Variants in TNC observed in about 807,000 individuals in gnomAD.
The protein encoded by TNC is tenascin.
A neutral mutation model predicts 202.4 loss-of-function variants in TNC; 109 were observed. That is an observed-to-expected ratio of 0.54 (90% CI 0.46 to 0.63). TNC has a LOEUF of 0.63. TNC is among the 30% of genes least tolerant of loss of function. The probability of loss-of-function intolerance (pLI) is 0.00; values close to 1 mark genes in which losing one functional copy is unlikely to be tolerated. For missense variants in TNC, 2,756 were observed against 2,833.3 expected, an observed-to-expected ratio of 0.97 and a Z score of 0.62; for synonymous variants, 1,007 against 1,089.7, an observed-to-expected ratio of 0.92 and a Z score of 1.50.
Position 115,046,458 on chromosome 9 carries a change from T to C in TNC, c.5077A>G (p.Ile1693Val). The part of the protein sequence containing the change: ...ATEYEIELYG[I>V]SKGRRSQTVS... ...GTCTGGGATCGCCTTCCTTTGCTTA[T>C]TCCATAGAGTTCAATTTCGTATTCA... Residue 1693 changes from isoleucine to valine, a missense_variant, in exon 17 of 28, where the codon ATA becomes GTA. Ile to Val is a conservative substitution (Grantham distance 29). Transcript: ENST00000350763. 6.2e-7 allele frequency: 1 copy of C among 1,614,200 alleles called. No individual in the cohort carries two copies. The highest frequency in any genetic ancestry group is 1.1e-5 in the South Asian group (1 of 91,080).
intron 1 of TNC, among the ~76,000 whole-genome samples, chr9:115,105,244 G>A (rs1460397274): frequency 1.3e-5 from 2 of 152,192 alleles, no homozygotes; most frequent in African/African-American, 4.8e-5. Context: ...TAATTTGTGT[G>A]ACCTCAGGCA....
At chr9:115,103,214 C>A (rs909296276) in intron 1 of TNC, among the ~76,000 whole-genome samples, 4 of 152,174 alleles carry the variant, frequency 2.6e-5, no homozygotes, top group Non-Finnish European at 5.9e-5. Flanking sequence ...TACTTTGAGA[C>A]AAGATTTCTC....
intron 9 of TNC, 27 bp downstream of exon 9, chr9:115,076,005 G>A (rs1345376994): frequency 6.2e-7 from 1 of 1,601,002 alleles, no homozygotes; most frequent in Admixed American, 1.7e-5. Flanking sequence ...CCAGCTCAGT[G>A]GGATGGGAAT....
intron 1 of TNC, among the ~76,000 whole-genome samples, chr9:115,100,016 T>C (rs1836109893): frequency 1.3e-5 from 2 of 152,232 alleles, no homozygotes; most frequent in Non-Finnish European, 2.9e-5. Flanking sequence ...ATTAGCCTGG[T>C]GTGGGGCTCT....
At chr9:115,037,566 C>A (rs749730338) in intron 20 of TNC, among the ~76,000 whole-genome samples, 2 of 152,158 alleles carry the variant, frequency 1.3e-5, no homozygotes, top group African/African-American at 2.4e-5. Flanking sequence ...CTCCCTCTCT[C>A]ACCCAGGCTG....
intron 1 of TNC, among the ~76,000 whole-genome samples, chr9:115,107,465 CT>C (rs1836705188): frequency 6.6e-6 from 1 of 152,190 alleles, no homozygotes; most frequent in African/African-American, 2.4e-5. Context: ...AATAAGGAAA[CT>C]AACATTTTGT....
chr9:115,073,542 G>A (rs1397357631), intron 10 of TNC, 61 bp downstream of exon 10: 15 of 1,566,568 alleles, frequency 9.6e-6, no homozygotes, highest in Non-Finnish European at 1.2e-5. Context: ...CACCCTGGCT[G>A]AGGAGATCTG....
chr9:115,046,488 C>A lies in TNC; in HGVS notation c.5047G>T (p.Ala1683Ser). 6.2e-7 allele frequency: 1 copy of A among 1,614,170 alleles called. No homozygotes were observed. Among genetic ancestry groups the A allele is most frequent in the Non-Finnish European group, 8.5e-7 (1 of 1,180,006 alleles). The change falls in exon 17 of 28, where the codon GCT becomes TCT. Residue 1683 changes from alanine (A) to serine (S), a missense_variant. Physicochemically the swap from Ala to Ser is moderately conservative, Grantham distance 99. This residue lies in a region of TNC where 2,559 missense variants were observed against 2,546.0 expected (regional missense o/e 1.01). Coordinates refer to ENST00000350763, the MANE Select transcript of TNC (RefSeq NM_002160.4). The stretch of plus-strand genomic sequence containing the variant: ...TAGAGTTCAATTTCGTATTCAGTAG[C>A]CTCTCTGAGACCTGTTATGTCCCTG... ...RTRDITGLRE[A>S]TEYEIELYGI...
intron 17 of TNC, among the ~76,000 whole-genome samples, chr9:115,043,740 CAA>C (rs757413594): frequency 6.6e-6 from 1 of 151,856 alleles, no homozygotes; most frequent in Non-Finnish European, 1.5e-5. Flanking sequence ...TGGGAAAAAA[CAA>C]ACAAACAAAC....
At chr9:115,087,757 A>C (rs1289922511) in intron 2 of TNC, among the ~76,000 whole-genome samples, 2 of 140,040 alleles carry the variant, frequency 1.4e-5, no homozygotes, top group Non-Finnish European at 3.0e-5. Context: ...GCTGGAGTGC[A>C]GCGGCGCCAT....
Position 115,021,092 on chromosome 9 carries a change from T to A in TNC, c.*65A>T. The A allele has an allele frequency of 7.3e-7, 1 of 1,360,574 alleles. No homozygotes were observed. Among genetic ancestry groups the A allele is most frequent in the Non-Finnish European group, 1.0e-6 (1 of 957,568 alleles). 84.3% of individuals were successfully genotyped at this position (1,360,574 alleles called of 1,614,324 possible). A position where few individuals can be genotyped will look rare whatever the true frequency, so the allele number is the denominator to read the frequency against. ...CCGATGGTTGGGCTGGTTGTATTGA[T>A]GCTTTGGTAAAATCCTTTCCTCGCT... On this transcript the variant is annotated 3_prime_UTR_variant, in exon 28 of 28. Coordinates refer to ENST00000350763, the MANE Select transcript of TNC (RefSeq NM_002160.4).
At chr9:115,087,939 G>A (rs924764736) in intron 2 of TNC, among the ~76,000 whole-genome samples, 3 of 152,004 alleles carry the variant, frequency 2.0e-5, no homozygotes, top group Non-Finnish European at 2.9e-5. Flanking sequence ...TCCTGACCTC[G>A]TGATCTGCCT....
chr9:115,039,544 T>C (rs1353128383), intron 19 of TNC, among the ~76,000 whole-genome samples: 1 of 152,232 alleles, frequency 6.6e-6, no homozygotes, highest in Non-Finnish European at 1.5e-5. Context: ...GAAGCCAGCA[T>C]GAATCTGACC....
rs780800777 is a variant in TNC at position 115,087,006 on chromosome 9, T to C, written c.725A>G (p.Tyr242Cys). The change falls in exon 3 of 28, where the codon TAC (tyrosine) becomes TGC (cysteine). Residue 242 changes from tyrosine (Y) to cysteine (C), a missense_variant. Physicochemically the swap from Tyr to Cys is radical, Grantham distance 194. Coordinates refer to ENST00000350763, the MANE Select transcript of TNC (RefSeq NM_002160.4). ...VNGVCICFEG[Y>C]AGADCSREIC... ...TTCACGGCTGCAGTCAGCCCCGGCGTAGCCTTCGAAACAGATGCAGACTCC... is the reference window on the plus strand; with the variant it reads ...TTCACGGCTGCAGTCAGCCCCGGCGCAGCCTTCGAAACAGATGCAGACTCC... 1 of 1,613,428 alleles carries C rather than the reference T, an allele frequency of 6.2e-7. No homozygotes were observed. Among genetic ancestry groups the C allele is most frequent in the South Asian group, 1.1e-5 (1 of 91,048 alleles).
At chr9:115,046,380 T>C in intron 17 of TNC, 30 bp downstream of exon 17, 1 of 1,609,008 alleles carries the variant, frequency 6.2e-7, no homozygotes, top group Non-Finnish European at 8.5e-7. Context: ...TCATGACTTT[T>C]CTCTGTTCTC....
At chr9:115,034,526 A>G (rs551435492) in intron 22 of TNC, among the ~76,000 whole-genome samples, 13 of 152,374 alleles carry the variant, frequency 8.5e-5, no homozygotes, top group African/African-American at 3.1e-4. Flanking sequence ...AGAATAAAAT[A>G]CCAGCAACAT....
chr9:115,023,563 G>A (rs1213058804), intron 27 of TNC, among the ~76,000 whole-genome samples: 1 of 152,176 alleles, frequency 6.6e-6, no homozygotes, highest in Non-Finnish European at 1.5e-5. Flanking sequence ...CACAAAAGGA[G>A]GAGATTTAAA....
chr9:115,090,525 T>C, intron 2 of TNC, 37 bp downstream of exon 2: 1 of 1,479,526 alleles, frequency 6.8e-7, no homozygotes, highest in Non-Finnish European at 9.1e-7. Flanking sequence ...TCTCCATGTT[T>C]GCACAGTGTG....
intron 25 of TNC, among the ~76,000 whole-genome samples, chr9:115,027,800 G>T (rs1273053315): frequency 2.0e-5 from 3 of 152,088 alleles, no homozygotes; most frequent in African/African-American, 7.2e-5. Context: ...GTTGACTTAG[G>T]AGATTCCAAA....
Sources: gnomAD v4.1 joint callset for allele counts (sites outside exome capture counted in the v4.1 genomes callset) on GRCh38, gnomAD v4.1.1 for gene constraint, gnomAD v4.1.1 regional missense constraint, MANE v1.5 for transcripts, NCBI Gene and HGNC (gene_info 2026-07-23, HGNC 2026-07-21) for gene names.